Variants in HOXD13 observed in about 807,000 individuals in gnomAD.
HOXD13 encodes homeobox protein Hox-D13.
In HOXD13, 16 loss-of-function variants were observed where a neutral mutation model predicts 27.3. The ratio of observed to expected loss-of-function variants is 0.59; its 90% CI spans 0.40 to 0.89. The LOEUF (loss-of-function observed/expected upper bound fraction) is 0.89. HOXD13 is among the 40% of genes least tolerant of loss of function. The probability of loss-of-function intolerance (pLI) is 0.00; values close to 1 mark genes in which losing one functional copy is unlikely to be tolerated. For synonymous variants in HOXD13, 241 were observed against 219.0 expected, an observed-to-expected ratio of 1.10 and a Z score of -0.89; for missense variants, 481 against 482.6, an observed-to-expected ratio of 1.00 and a Z score of 0.03.
chr2:176,089,067 C>T (rs1023555460), upstream of HOXD13, among the ~76,000 whole-genome samples: 40 of 152,312 alleles, frequency 2.6e-4, no homozygotes, highest in South Asian at 8.3e-4. Context: ...TTGCTGCAAA[C>T]GATTTTCATT....
upstream of HOXD13, among the ~76,000 whole-genome samples, chr2:176,089,309 G>A (rs1574941281): frequency 6.6e-6 from 1 of 152,116 alleles, no homozygotes; most frequent in Admixed American, 6.5e-5. Flanking sequence ...ACACAGATTT[G>A]GTTAAGAACA....
chr2:176,093,991 T>C lies in HOXD13; in HGVS notation c.781+320T>C, dbSNP rs534182473. ...AAAGAGAACTTTTTCCTAAGAAACC[T>C]GACAGAGTTGGGTCCCCCCATTTTC... On this transcript the variant is annotated intron_variant, in intron 1 of 1. Coordinates refer to ENST00000392539, the MANE Select transcript of HOXD13 (RefSeq NM_000523.4). 2.1e-4 allele frequency among the ~76,000 whole-genome samples: 32 copies of C among 152,294 alleles called. No homozygotes were observed. In the South Asian group the frequency reaches 6.0e-3, roughly 29 times the overall value.
rs847195 is a variant in HOXD13, at chr2:176,093,283, C to T, written c.393C>T (p.Phe131=). 4,290 of 1,611,686 alleles carry T rather than the reference C, an allele frequency of 2.7e-3. 110 individuals are homozygous for T. The African/African-American group carries it at 0.05, about 19-fold the overall frequency. The change falls in exon 1 of 2, where the codon TTC becomes TTT. Residue 131 remains phenylalanine, a synonymous_variant. Coordinates refer to ENST00000392539, the MANE Select transcript of HOXD13 (RefSeq NM_000523.4). ...SAPALGYGYH[F]GNGYYSCRMS... is the part of the protein sequence containing the mutation. Reference sequence around the variant, plus strand: ...CAGCGCTGGGCTACGGCTACCACTTCGGCAACGGCTACTACAGCTGCCGTA... The same window carrying T: ...CAGCGCTGGGCTACGGCTACCACTTTGGCAACGGCTACTACAGCTGCCGTA...
chr2:176,091,463 A>G (rs1481682856), upstream of HOXD13, among the ~76,000 whole-genome samples: 1 of 152,114 alleles, frequency 6.6e-6, no homozygotes, highest in Non-Finnish European at 1.5e-5. Flanking sequence ...GCTGAGATTG[A>G]GGGATGGTGG....
chr2:176,094,811 TTAATTCCCCC>T lies in HOXD13; in HGVS notation c.*82_*91del. ...CCTTTGGAAAGACTTGAATATGTAT[TTAATTCCCCC>T]CACCCCCTGCCAATGGTGGCAAATT... is the stretch of plus-strand genomic sequence containing the variant. On this transcript the variant is annotated 3_prime_UTR_variant, in exon 2 of 2. Coordinates refer to ENST00000392539, the MANE Select transcript of HOXD13 (RefSeq NM_000523.4). 7.9e-7 allele frequency: 1 copy of T among 1,270,524 alleles called. No homozygotes were observed. The highest frequency in any genetic ancestry group is 1.1e-6 in the Non-Finnish European group (1 of 869,998). The allele number at this position is 1,270,524 out of a possible 1,614,324, so 78.7% of individuals were successfully genotyped here. A position where few individuals can be genotyped will look rare whatever the true frequency, so the allele number is the denominator to read the frequency against.
In HOXD13 at chr2:176,093,025, C is replaced by A; in HGVS notation, c.135C>A (p.Ser45=). Reference sequence around the variant, plus strand: ...CAGGCCAGTGCCGCGGCTTTCTCTCCGCGCCTGTGTTCGCCGGGACGCATT... The same window carrying A: ...CAGGCCAGTGCCGCGGCTTTCTCTCAGCGCCTGTGTTCGCCGGGACGCATT... The part of the protein sequence containing the change: ...AASGQCRGFL[S]APVFAGTHSG... The change falls in exon 1 of 2, where the codon TCC becomes TCA. Residue 45 remains serine (S), a synonymous_variant. Coordinates refer to ENST00000392539, the MANE Select transcript of HOXD13 (RefSeq NM_000523.4). The A allele has an allele frequency of 1.4e-6, 2 of 1,386,778 alleles. No homozygotes were observed. The highest frequency in any genetic ancestry group is 2.0e-4 in the Middle Eastern group (1 of 5,014). The allele number at this position is 1,386,778 out of a possible 1,614,324, so 85.9% of individuals were successfully genotyped here. A position where few individuals can be genotyped will look rare whatever the true frequency, so the allele number is the denominator to read the frequency against.
chr2:176,088,299 G>A (rs950560090), upstream of HOXD13, among the ~76,000 whole-genome samples: 6 of 152,226 alleles, frequency 3.9e-5, no homozygotes, highest in East Asian at 1.2e-3. Flanking sequence ...GTCCCTTCCG[G>A]GTCTCTCCGG....
chr2:176,094,399 A>G, intron 1 of HOXD13, 81 bp from the exon 2 acceptor site: 1 of 1,526,856 alleles, frequency 6.5e-7, no homozygotes, highest in Non-Finnish European at 9.1e-7. Context: ...ACACACACAC[A>G]CACACACACA....
chr2:176,094,235 G>A (rs1294780107), intron 1 of HOXD13, among the ~76,000 whole-genome samples: 2 of 152,082 alleles, frequency 1.3e-5, no homozygotes, highest in Admixed American at 6.5e-5. Flanking sequence ...TTAAGATGCC[G>A]GTTTGAGAAA....
upstream of HOXD13, among the ~76,000 whole-genome samples, chr2:176,089,895 T>TA (rs1301837237): frequency 2.0e-5 from 3 of 152,200 alleles, no homozygotes; most frequent in Non-Finnish European, 4.4e-5. Flanking sequence ...TTTCTGTTGT[T>TA]AAAAACCCCT....
chr2:176,094,444 C>G (rs762514388), intron 1 of HOXD13, 36 bp from the exon 2 acceptor site: 14 of 1,605,942 alleles, frequency 8.7e-6, no homozygotes, highest in South Asian at 6.6e-5. Flanking sequence ...TCCGAATATC[C>G]CAGCCTAATT....
At chr2:176,088,879 C>T (rs959664490), upstream of HOXD13, among the ~76,000 whole-genome samples, 2 of 152,202 alleles carry the variant, frequency 1.3e-5, no homozygotes, top group African/African-American at 4.8e-5. Flanking sequence ...CACCCTCCTG[C>T]GTCCCTTTCA....
At chr2:176,091,671 C>T (rs1265421065), upstream of HOXD13, among the ~76,000 whole-genome samples, 1 of 152,182 alleles carries the variant, frequency 6.6e-6, no homozygotes, top group South Asian at 2.1e-4. Context: ...GAACAAGCGC[C>T]CTCTTAATTT....
At position 176,095,938 on chromosome 2, in the gene HOXD13, C is replaced by A. The variant is rs1401362390; in HGVS notation, c.*1208C>A. ...GCCAATAAACAGAACTCTTTTGTTT[C>A]TTCTGAGTCCTTATACATTTGTTTT... is the stretch of plus-strand genomic sequence containing the variant. On this transcript the variant is annotated 3_prime_UTR_variant, in exon 2 of 2. Coordinates refer to ENST00000392539, the MANE Select transcript of HOXD13 (RefSeq NM_000523.4). 1.1e-5 allele frequency: 2 copies of A among 186,022 alleles called. No homozygotes were observed. Among genetic ancestry groups the A allele is most frequent in the African/African-American group, 2.3e-5 (1 of 42,676 alleles). 11.5% of individuals were successfully genotyped at this position (186,022 alleles called of 1,614,324 possible).
At chr2:176,094,405 A>ACT in intron 1 of HOXD13, 75 bp from the exon 2 acceptor site, 1 of 1,559,686 alleles carries the variant, frequency 6.4e-7, no homozygotes, top group Non-Finnish European at 8.8e-7. Context: ...ACACACACAC[A>ACT]CACACACACA....
At chr2:176,094,065 T>C (rs1269227535) in intron 1 of HOXD13, among the ~76,000 whole-genome samples, 1 of 152,178 alleles carries the variant, frequency 6.6e-6, no homozygotes, top group Non-Finnish European at 1.5e-5. Context: ...TAGATCAAGC[T>C]CACGAACTCC....
chr2:176,093,057 GGGCGGCGGCGGCGGCAGC>G lies in HOXD13; in HGVS notation c.174_191del (p.Ala66_Ala71del), dbSNP rs1689347658. ...GTGTTCGCCGGGACGCATTCGGGGCGGGCGGCGGCGGCGGCAGCGGCGGCTGCGGCGGCGGCGGCGGCA... is the reference window on the plus strand; with the variant it reads ...GTGTTCGCCGGGACGCATTCGGGGCGGGCGGCTGCGGCGGCGGCGGCGGCA... On this transcript the variant is annotated inframe_deletion, in exon 1 of 2. Transcript: ENST00000392539. 5.1e-6 allele frequency: 7 copies of G among 1,369,816 alleles called. No homozygotes were observed. Among genetic ancestry groups the G allele is most frequent in the Non-Finnish European group, 5.6e-6 (6 of 1,071,078 alleles). 84.9% of individuals were successfully genotyped at this position (1,369,816 alleles called of 1,614,324 possible). A position where few individuals can be genotyped will look rare whatever the true frequency, so the allele number is the denominator to read the frequency against.
Position 176,093,269 on chromosome 2 carries a change from T to TACGGCTACCACTTCGGCA in HOXD13, c.388_405dup (p.His130_Tyr135dup). Reference sequence around the variant, plus strand: ...GCCCCCGAGCGCTCCAGCGCTGGGCTACGGCTACCACTTCGGCAACGGCTA... The same window carrying TACGGCTACCACTTCGGCA: ...GCCCCCGAGCGCTCCAGCGCTGGGCTACGGCTACCACTTCGGCAACGGCTACCACTTCGGCAACGGCTA... On this transcript the variant is annotated inframe_insertion, in exon 1 of 2. Coordinates refer to ENST00000392539, the MANE Select transcript of HOXD13 (RefSeq NM_000523.4). The TACGGCTACCACTTCGGCA allele has an allele frequency of 1.2e-6, 2 of 1,611,334 alleles. No homozygotes were observed. The highest frequency in any genetic ancestry group is 1.3e-5 in the African/African-American group (1 of 75,040).
rs1160539429 is a variant in HOXD13 at position 176,095,521 on chromosome 2, G to A, written c.*791G>A. The A allele has an allele frequency of 8.7e-6, 2 of 229,440 alleles. No homozygotes were observed. The highest frequency in any genetic ancestry group is 8.6e-6 in the Non-Finnish European group (1 of 115,622). The allele number at this position is 229,440 out of a possible 1,614,324, so 14.2% of individuals were successfully genotyped here. A position where few individuals can be genotyped will look rare whatever the true frequency, so the allele number is the denominator to read the frequency against. On this transcript the variant is annotated 3_prime_UTR_variant, in exon 2 of 2. Transcript: ENST00000392539. ...CATTTAAATGGCTGCAATCAGTAGAGTGACCCGCGGATGGCATAAATGCAC... is the reference window on the plus strand; with the variant it reads ...CATTTAAATGGCTGCAATCAGTAGAATGACCCGCGGATGGCATAAATGCAC...
Sources: gnomAD v4.1 joint callset for allele counts (sites outside exome capture counted in the v4.1 genomes callset) on GRCh38, gnomAD v4.1.1 for gene constraint, MANE v1.5 for transcripts, NCBI Gene and HGNC (gene_info 2026-07-23, HGNC 2026-07-21) for gene names.